MAP3K21: variants seen among roughly 807,000 people sequenced by gnomAD.
MAP3K21 encodes the protein mitogen-activated protein kinase kinase kinase 21, also known as mitogen-activated protein kinase kinase kinase MLK4.
MAP3K21 carries 63 observed loss-of-function variants against 86.1 expected under a neutral mutation model. The observed-to-expected ratio is 0.73, with a 90% CI of 0.60 to 0.90. The LOEUF (loss-of-function observed/expected upper bound fraction) is 0.90, where lower values mean the gene tolerates loss of function less well. Among genes scored for constraint, MAP3K21 ranks in the 40% least tolerant of loss-of-function variants. MAP3K21 has a pLI of 0.00. For missense variants in MAP3K21, 1,220 were observed against 1,367.7 expected, an observed-to-expected ratio of 0.89 and a Z score of 1.70; for synonymous variants, 558 against 564.8, an observed-to-expected ratio of 0.99 and a Z score of 0.17.
At chr1:233,333,108 A>G (rs1464926978) in intron 1 of MAP3K21, among the ~76,000 whole-genome samples, 1 of 152,240 alleles carries the variant, frequency 6.6e-6, no homozygotes, top group African/African-American at 2.4e-5. Context: ...GTACTGTGTA[A>G]ATAAAAGAAC....
intron 6 of MAP3K21, among the ~76,000 whole-genome samples, chr1:233,375,535 T>G (rs2102766581): frequency 6.6e-6 from 1 of 152,340 alleles, no homozygotes; most frequent in East Asian, 1.9e-4. Context: ...AGGTCAAAAC[T>G]TTAACTGATT....
intron 6 of MAP3K21, chr1:233,372,445 T>C (rs1663704443): frequency 5.0e-6 from 2 of 401,384 alleles, no homozygotes; most frequent in African/African-American, 2.0e-5. Context: ...GTTAAACACT[T>C]GCACGCAACG....
chr1:233,372,252 CA>C, intron 6 of MAP3K21, 92 bp downstream of exon 6: 1 of 1,499,928 alleles, frequency 6.7e-7, no homozygotes, highest in Non-Finnish European at 9.2e-7. Context: ...GTTTTCATAG[CA>C]GGTTGTAGAT....
intron 1 of MAP3K21, among the ~76,000 whole-genome samples, chr1:233,332,262 A>G (rs945432649): frequency 1.3e-5 from 2 of 152,136 alleles, no homozygotes; most frequent in East Asian, 1.9e-4. Context: ...AATAGATTAG[A>G]AAATGCCATC....
At chr1:233,363,195 T>C (rs1230411024) in intron 5 of MAP3K21, among the ~76,000 whole-genome samples, 2 of 148,284 alleles carry the variant, frequency 1.3e-5, no homozygotes, top group Non-Finnish European at 2.9e-5. Flanking sequence ...ATGTATTATA[T>C]ATTAGAGTGC....
intron 1 of MAP3K21, among the ~76,000 whole-genome samples, chr1:233,344,156 C>T (rs1330493234): frequency 6.6e-6 from 1 of 152,150 alleles, no homozygotes; most frequent in African/African-American, 2.4e-5. Context: ...CCATACTGCC[C>T]AAGGTAATTT....
intron 4 of MAP3K21, among the ~76,000 whole-genome samples, chr1:233,360,714 C>T (rs111435364): frequency 6.6e-6 from 1 of 152,048 alleles, no homozygotes; most frequent in African/African-American, 2.4e-5. Flanking sequence ...TCTTTGAGTC[C>T]GTCTGTAAAA....
Position 233,382,613 on chromosome 1 carries a change from G to A in MAP3K21, c.3013G>A (p.Glu1005Lys), listed in dbSNP as rs767244768. The A allele has an allele frequency of 1.4e-5, 23 of 1,614,160 alleles. No homozygotes were observed. Among genetic ancestry groups the A allele is most frequent in the South Asian group, 1.1e-4 (10 of 91,086 alleles). ...HVPSLLDADV[E>K]GQSRDYTVPL... ...GCCTTCATTACTGGATGCTGACGTG[G>A]AAGGTCAGAGCAGGGACTACACTGT... Residue 1005 changes from glutamate to lysine, a missense_variant, in exon 10 of 10, where the codon GAA (glutamate) becomes AAA (lysine). This residue lies in a region of MAP3K21 where 632 missense variants were observed against 691.3 expected (regional missense o/e 0.91). Transcript: ENST00000366624.
At chr1:233,355,972 T>G (rs1339820779) in intron 4 of MAP3K21, among the ~76,000 whole-genome samples, 1 of 152,160 alleles carries the variant, frequency 6.6e-6, no homozygotes, top group Admixed American at 6.5e-5. Context: ...CCTCACATAT[T>G]TTGCCTTACA....
chr1:233,339,353 T>TTCTCCTC (rs1558451134), intron 1 of MAP3K21, among the ~76,000 whole-genome samples: 5 of 41,818 alleles, frequency 1.2e-4, no homozygotes, highest in South Asian at 9.2e-4. Context: ...CTCTTCTCCC[T>TTCTCCTC]CTTCTCCTTC....
intron 5 of MAP3K21, among the ~76,000 whole-genome samples, chr1:233,363,833 C>G (rs1193795989): frequency 1.4e-5 from 2 of 145,892 alleles, no homozygotes; most frequent in Admixed American, 7.0e-5. Context: ...ATGATGAAAC[C>G]TTGTCTCTAC....
At chr1:233,336,843 T>C (rs1001625687) in intron 1 of MAP3K21, among the ~76,000 whole-genome samples, 3 of 152,236 alleles carry the variant, frequency 2.0e-5, no homozygotes, top group Non-Finnish European at 2.9e-5. Context: ...TGGGTTGATA[T>C]AGAAATTCTT....
intron 5 of MAP3K21, among the ~76,000 whole-genome samples, chr1:233,368,123 C>A (rs1167276169): frequency 6.6e-6 from 1 of 152,164 alleles, no homozygotes; most frequent in African/African-American, 2.4e-5. Flanking sequence ...TCTTGGCTTT[C>A]TTCTGTTATT....
intron 5 of MAP3K21, among the ~76,000 whole-genome samples, chr1:233,369,344 C>T (rs535819021): frequency 7.9e-5 from 12 of 151,788 alleles, no homozygotes; most frequent in African/African-American, 2.2e-4. Flanking sequence ...GCACTGAGAT[C>T]GCACCATTGC....
rs1663295339 is a variant in MAP3K21 at position 233,353,810 on chromosome 1, T to C, written c.990T>C (p.Tyr330=). Residue 330 remains tyrosine (Y), a synonymous_variant, in exon 3 of 10, where the codon TAT becomes TAC. Transcript: ENST00000366624. ...LFSKGSDIWS[Y]GVLLWELLTG... ...ATATGAAATCCTTGCTTTCTAGCTA[T>C]GGAGTGCTGCTGTGGGAACTGCTCA... 6.3e-7 allele frequency: 1 copy of C among 1,583,040 alleles called. No individual in the cohort carries two copies. The highest frequency in any genetic ancestry group is 1.2e-5 in the South Asian group (1 of 85,794).
At chr1:233,378,057 C>T (rs1279797568) in intron 8 of MAP3K21, among the ~76,000 whole-genome samples, 1 of 152,216 alleles carries the variant, frequency 6.6e-6, no homozygotes, top group African/African-American at 2.4e-5. Context: ...TCACTTCCTG[C>T]TGTGCAGCCT....
intron 1 of MAP3K21, among the ~76,000 whole-genome samples, chr1:233,334,438 G>A (rs1470950527): frequency 6.6e-6 from 1 of 152,096 alleles, no homozygotes; most frequent in Non-Finnish European, 1.5e-5. Flanking sequence ...TACTGTATTC[G>A]TTTCTTGGGA....
chr1:233,339,156 C>G (rs973458384), intron 1 of MAP3K21, among the ~76,000 whole-genome samples: 1 of 152,158 alleles, frequency 6.6e-6, no homozygotes, highest in South Asian at 2.1e-4. Context: ...GATGAATATT[C>G]AAATAACTGT....
At chr1:233,350,189 T>C (rs190599265) in intron 2 of MAP3K21, among the ~76,000 whole-genome samples, 16 of 152,290 alleles carry the variant, frequency 1.1e-4, no homozygotes, top group African/African-American at 3.8e-4. Context: ...AATGTGAATG[T>C]GGTGTAAATG....
Sources: allele counts gnomAD v4.1 joint callset (sites outside exome capture counted in the v4.1 genomes callset), GRCh38; gene constraint gnomAD v4.1.1; regional missense constraint gnomAD v4.1.1; transcripts MANE v1.5; gene names NCBI Gene and HGNC (gene_info 2026-07-23, HGNC 2026-07-21).